NCKAP5: variants seen among roughly 807,000 people sequenced by gnomAD.
The protein encoded by NCKAP5 is nck-associated protein 5.
NCKAP5 carries 92 observed loss-of-function variants against 167.0 expected under a neutral mutation model. The ratio of observed to expected loss-of-function variants is 0.55; its 90% CI spans 0.47 to 0.66. The LOEUF is 0.66. NCKAP5 is among the 30% of genes least tolerant of loss of function. NCKAP5 has a pLI of 0.00. For missense variants in NCKAP5, 2,378 were observed against 2,315.0 expected (o/e 1.03, Z -0.56); for synonymous variants, 891 against 877.4 (o/e 1.02, Z -0.27).
intron 3 of NCKAP5, among the ~76,000 whole-genome samples, chr2:133,464,481 A>T (rs1692412654): frequency 6.6e-6 from 1 of 152,110 alleles, no homozygotes; most frequent in Non-Finnish European, 1.5e-5. Flanking sequence ...TGAGGTCAGG[A>T]GATTGAGACC....
chr2:133,363,975 CTTATGACA>C (rs1685287742), intron 3 of NCKAP5, among the ~76,000 whole-genome samples: 1 of 152,142 alleles, frequency 6.6e-6, no homozygotes, highest in South Asian at 2.1e-4. Flanking sequence ...TTATACAGGA[CTTATGACA>C]TTTAGCCACT....
At chr2:133,203,203 T>A (rs1574366754) in intron 5 of NCKAP5, among the ~76,000 whole-genome samples, 1 of 152,268 alleles carries the variant, frequency 6.6e-6, no homozygotes, top group East Asian at 1.9e-4. Flanking sequence ...TGGAATACTA[T>A]GCAGCCATAA....
intron 19 of NCKAP5, among the ~76,000 whole-genome samples, chr2:132,686,835 G>C (rs1686003367): frequency 6.6e-6 from 1 of 152,152 alleles, no homozygotes; most frequent in African/African-American, 2.4e-5. Flanking sequence ...CCCCCAGTAA[G>C]TAAACAGGAA....
chr2:132,925,561 CAAAAAAAA>C (rs575777951), intron 8 of NCKAP5, among the ~76,000 whole-genome samples: 1 of 53,590 alleles, frequency 1.9e-5, no homozygotes, highest in Non-Finnish European at 4.3e-5. Context: ...GACTCCGTCT[CAAAAAAAA>C]AAAAAAAAAA....
At chr2:133,384,010 T>C (rs907703887) in intron 3 of NCKAP5, among the ~76,000 whole-genome samples, 3 of 152,246 alleles carry the variant, frequency 2.0e-5, no homozygotes, top group African/African-American at 7.2e-5. Context: ...GTAGGTTGCC[T>C]GTTCACTCTG....
chr2:132,863,830 G>C (rs761572363), intron 10 of NCKAP5, among the ~76,000 whole-genome samples: 1 of 152,172 alleles, frequency 6.6e-6, no homozygotes, highest in Non-Finnish European at 1.5e-5. Context: ...GCCTTCCCAA[G>C]AAACTGTAAA....
chr2:133,619,448 T>C, the NCKAP5 span, among the ~76,000 whole-genome samples: 1 of 151,880 alleles, frequency 6.6e-6, no homozygotes, highest in Non-Finnish European at 1.5e-5. Context: ...CAAAATGCAC[T>C]GGAAAGTCTC....
chr2:132,805,070 G>C (rs926775319), intron 11 of NCKAP5, among the ~76,000 whole-genome samples: 2 of 151,944 alleles, frequency 1.3e-5, no homozygotes, highest in Non-Finnish European at 2.9e-5. Context: ...TCCTTCCCAG[G>C]TTCTGCTTTA....
At chr2:132,976,226 G>A (rs1276110432) in intron 7 of NCKAP5, among the ~76,000 whole-genome samples, 5 of 152,044 alleles carry the variant, frequency 3.3e-5, no homozygotes, top group Admixed American at 2.0e-4. Flanking sequence ...GGGTTTGGGT[G>A]GAAGCAGCGG....
intron 6 of NCKAP5, among the ~76,000 whole-genome samples, chr2:133,004,510 T>C (rs1452375401): frequency 6.6e-6 from 1 of 152,002 alleles, no homozygotes; most frequent in Non-Finnish European, 1.5e-5. Flanking sequence ...CCAGCAAGTT[T>C]TTATTAGGGA....
intron 11 of NCKAP5, among the ~76,000 whole-genome samples, chr2:132,839,827 A>C (rs59312567): frequency 0.021 from 3,202 of 151,954 alleles, 123 homozygotes; most frequent in African/African-American, 0.073. Flanking sequence ...AAGCCTTATC[A>C]ATAACATAAA....
chr2:132,846,989 T>C (rs959561099), intron 11 of NCKAP5, among the ~76,000 whole-genome samples: 1 of 152,218 alleles, frequency 6.6e-6, no homozygotes, highest in African/African-American at 2.4e-5. Flanking sequence ...TCGTGTATTT[T>C]ATGAATGTGA....
the NCKAP5 span, among the ~76,000 whole-genome samples, chr2:133,588,573 G>T: frequency 2.4e-4 from 37 of 151,800 alleles, no homozygotes; most frequent in East Asian, 6.0e-3. Context: ...TGGGAGCCAC[G>T]CACTCTTTAA....
chr2:132,768,522 G>A (rs372752523), intron 16 of NCKAP5, among the ~76,000 whole-genome samples: 10 of 152,030 alleles, frequency 6.6e-5, no homozygotes, highest in East Asian at 1.9e-4. Flanking sequence ...CTAGCCATTT[G>A]CTTTGTTTAG....
At chr2:133,280,672 TC>T (rs1298900776) in intron 4 of NCKAP5, among the ~76,000 whole-genome samples, 1 of 152,146 alleles carries the variant, frequency 6.6e-6, no homozygotes, top group African/African-American at 2.4e-5. Flanking sequence ...TTGCAAAACA[TC>T]CCAAGAAAAC....
intron 6 of NCKAP5, among the ~76,000 whole-genome samples, chr2:133,046,289 T>C (rs777958308): frequency 6.6e-6 from 1 of 152,206 alleles, no homozygotes; most frequent in South Asian, 2.1e-4. Context: ...ATATTTTAGT[T>C]TTGCTTAACT....
intron 8 of NCKAP5, among the ~76,000 whole-genome samples, chr2:132,907,610 G>C (rs1694101617): frequency 8.4e-6 from 1 of 118,464 alleles, no homozygotes; most frequent in Admixed American, 9.7e-5. Context: ...ACCACTCAAA[G>C]ACACGTTTTA....
At chr2:133,400,313 A>G in intron 3 of NCKAP5, among the ~76,000 whole-genome samples, 1 of 152,148 alleles carries the variant, frequency 6.6e-6, no homozygotes, top group East Asian at 1.9e-4. Context: ...AGATATGCCC[A>G]TGACTTTACC....
the NCKAP5 span, among the ~76,000 whole-genome samples, chr2:133,576,999 T>A: frequency 1.3e-5 from 2 of 152,292 alleles, no homozygotes; most frequent in African/African-American, 4.8e-5. Flanking sequence ...GAGACCAGTT[T>A]CCACCTAAGC....
Sources: gnomAD v4.1 joint callset for allele counts (sites outside exome capture counted in the v4.1 genomes callset) on GRCh38, gnomAD v4.1.1 for gene constraint, MANE v1.5 for transcripts, NCBI Gene and HGNC (gene_info 2026-07-23, HGNC 2026-07-21) for gene names.